SP3: variants seen among roughly 807,000 people sequenced by gnomAD.
SP3 encodes Sp3 transcription factor.
In SP3, 10 loss-of-function variants were observed where a neutral mutation model predicts 70.3. The ratio of observed to expected loss-of-function variants is 0.14; its 90% CI spans 0.09 to 0.24. SP3 has a LOEUF of 0.24. SP3 is among the 10% of genes least tolerant of loss of function. The pLI, the probability that SP3 is intolerant of heterozygous loss-of-function variation, is 1.00. For missense variants in SP3, 825 were observed against 914.6 expected, an observed-to-expected ratio of 0.90 and a Z score of 1.26; for synonymous variants, 402 against 333.5, an observed-to-expected ratio of 1.21 and a Z score of -2.24.
intron 4 of SP3, among the ~76,000 whole-genome samples, chr2:173,933,296 T>C (rs1015464448): frequency 9.2e-5 from 14 of 152,304 alleles, no homozygotes; most frequent in African/African-American, 3.1e-4. Context: ...TGTATTTTAT[T>C]ACACTTACAG....
chr2:173,955,210 C>T lies in SP3; in HGVS notation c.1302G>A (p.Gln434=). ...VQASGQNISQ[Q]ALQNLQLQLN... ...GCTGCAACTGAAGATTTTGCAAAGC[C>T]TGTTGTGATATATTTTGACCACTGG... The change falls in exon 4 of 7, where the codon CAG becomes CAA. Residue 434 remains glutamine, a synonymous_variant. Transcript: ENST00000310015. The T allele has an allele frequency of 6.2e-7, 1 of 1,614,084 alleles. No individual in the cohort carries two copies. Among genetic ancestry groups the T allele is most frequent in the Non-Finnish European group, 8.5e-7 (1 of 1,180,030 alleles).
At chr2:173,913,321 T>G (rs1012239475) in intron 5 of SP3, 55 bp from the exon 6 acceptor site, 47 of 1,256,330 alleles carry the variant, frequency 3.7e-5, no homozygotes, top group Non-Finnish European at 4.7e-5. Context: ...CAAATGGACA[T>G]TACCATTTAC....
intron 1 of SP3, 111 bp from the exon 2 acceptor site, chr2:173,964,664 T>TCCCCTC (rs1691228000): frequency 3.3e-6 from 1 of 301,728 alleles, no homozygotes; most frequent in Admixed American, 6.2e-5. Flanking sequence ...CCAGGCCCCT[T>TCCCCTC]CCCCTCCCCC....
intron 4 of SP3, among the ~76,000 whole-genome samples, chr2:173,945,885 C>A (rs1574417567): frequency 6.6e-6 from 1 of 152,146 alleles, no homozygotes; most frequent in Middle Eastern, 3.4e-3. Context: ...CAGCACTTTA[C>A]GAGGCTGATG....
rs1255763973 is a variant in SP3 at position 173,955,434 on chromosome 2, T to C, written c.1078A>G (p.Ser360Gly). ...AGATCTGAAGAATGAACCTGCCCAC[T>C]AGATGTAGTCAAGCTATTTGTGTTT... ...QQNTNSLTTS[S>G]GQVHSSDLQG... The change falls in exon 4 of 7, where the codon AGT (serine) becomes GGT (glycine). Residue 360 changes from serine to glycine, a missense_variant. Ser to Gly is a moderately conservative substitution (Grantham distance 56, BLOSUM62 0). This residue lies in a region of SP3 where 678 missense variants were observed against 651.6 expected (regional missense o/e 1.04). Transcript: ENST00000310015. 3.7e-6 allele frequency: 6 copies of C among 1,613,996 alleles called. No homozygotes were observed. In the African/African-American group the frequency reaches 6.7e-5, roughly 18 times the overall value.
chr2:173,930,345 T>C (rs768277967), intron 4 of SP3, among the ~76,000 whole-genome samples: 8 of 152,188 alleles, frequency 5.3e-5, no homozygotes, highest in East Asian at 3.9e-4. Context: ...GGTGGGAGGA[T>C]TGCTTGAGCC....
chr2:173,929,405 C>A lies in SP3; in HGVS notation c.1640-10620G>T, dbSNP rs543356051. ...CATCAAGATCAAAGGACAGGATCTG[C>A]GCTGATGGGGAAATCACCTCTATAT... On this transcript the variant is annotated intron_variant, in intron 4 of 6. Coordinates refer to ENST00000310015, the MANE Select transcript of SP3 (RefSeq NM_003111.5). Among the ~76,000 whole-genome samples, 5 of 152,304 alleles carry A rather than the reference C, an allele frequency of 3.3e-5. No homozygotes were observed. The East Asian group carries it at 9.6e-4, about 29-fold the overall frequency.
Position 173,965,349 on chromosome 2 carries a change from G to C in SP3, c.-178C>G. On this transcript the variant is annotated 5_prime_UTR_variant, in exon 1 of 7. Coordinates refer to ENST00000310015, the MANE Select transcript of SP3 (RefSeq NM_003111.5). The stretch of plus-strand genomic sequence containing the variant: ...GGAAACACAAAAGGTGGAGCCTCCA[G>C]CCCAAAAGGGGGGAAGAGGGTGACA... The C allele has an allele frequency of 1.4e-6, 1 of 691,648 alleles. No homozygotes were observed. The highest frequency in any genetic ancestry group is 3.0e-5 in the East Asian group (1 of 33,710). 42.8% of individuals were successfully genotyped at this position (691,648 alleles called of 1,614,324 possible).
rs752422699 is a variant in SP3, at chr2:173,964,488, C to T, written c.73G>A (p.Gly25Ser). ...ALDVDSGGGG[G>S]GGGGHGEYLQ... The stretch of plus-strand genomic sequence containing the variant: ...TACTCGCCGTGGCCGCCGCCGCCGC[C>T]ACCGCCGCCGCCGCTATCCACGTCC... Residue 25 changes from glycine (G) to serine (S), a missense_variant, in exon 2 of 7, where the codon GGC (glycine) becomes AGC (serine). Around this residue, in one of 4 missense-constraint regions of SP3, gnomAD observed 678 missense variants for 651.6 expected, o/e 1.04. Transcript: ENST00000310015. The T allele has an allele frequency of 1.1e-5, 8 of 704,804 alleles. No individual in the cohort carries two copies. In the East Asian group the frequency reaches 2.3e-4, roughly 20 times the overall value. 43.7% of individuals were successfully genotyped at this position (704,804 alleles called of 1,614,324 possible).
intron 4 of SP3, among the ~76,000 whole-genome samples, chr2:173,929,507 A>T (rs1220204399): frequency 6.6e-6 from 1 of 152,186 alleles, no homozygotes; most frequent in African/African-American, 2.4e-5. Flanking sequence ...CACACACAAT[A>T]CACACTGACA....
At chr2:173,928,630 A>C (rs986897095) in intron 4 of SP3, among the ~76,000 whole-genome samples, 4 of 152,214 alleles carry the variant, frequency 2.6e-5, no homozygotes, top group African/African-American at 9.6e-5. Context: ...ATGATCCACT[A>C]AACGACACCT....
chr2:173,924,064 G>A (rs1054871713), intron 4 of SP3, among the ~76,000 whole-genome samples: 14 of 151,872 alleles, frequency 9.2e-5, no homozygotes, highest in African/African-American at 2.9e-4. Flanking sequence ...AAAACTAAAT[G>A]TTATCCCCTT....
intron 4 of SP3, among the ~76,000 whole-genome samples, chr2:173,924,299 A>T (rs1332574879): frequency 6.6e-6 from 1 of 152,242 alleles, no homozygotes; most frequent in African/African-American, 2.4e-5. Context: ...GAACATAACC[A>T]GAAATGACTG....
intron 4 of SP3, among the ~76,000 whole-genome samples, chr2:173,946,425 T>C (rs769101744): frequency 6.6e-6 from 1 of 152,078 alleles, no homozygotes; most frequent in Non-Finnish European, 1.5e-5. Context: ...ACTAAAGGCA[T>C]GTACCACCAC....
intron 4 of SP3, among the ~76,000 whole-genome samples, chr2:173,940,534 A>T (rs754168816): frequency 6.6e-6 from 1 of 152,174 alleles, no homozygotes; most frequent in African/African-American, 2.4e-5. Flanking sequence ...CAAACTAACA[A>T]ACTGAGAATG....
chr2:173,935,585 T>C (rs1166551903), intron 4 of SP3, among the ~76,000 whole-genome samples: 2 of 152,188 alleles, frequency 1.3e-5, no homozygotes, highest in African/African-American at 4.8e-5. Context: ...TTCCTGCACG[T>C]TTTATGGTCC....
chr2:173,924,072 C>CAATTATA (rs1459495819), intron 4 of SP3, among the ~76,000 whole-genome samples: 8 of 151,940 alleles, frequency 5.3e-5, no homozygotes, highest in African/African-American at 1.9e-4. Flanking sequence ...ATGTTATCCC[C>CAATTATA]TTACCAAATA....
intron 5 of SP3, among the ~76,000 whole-genome samples, chr2:173,918,195 T>A (rs1177092818): frequency 6.6e-6 from 1 of 152,106 alleles, no homozygotes; most frequent in Non-Finnish European, 1.5e-5. Context: ...TTTTCACTTC[T>A]AAGAAAATGG....
chr2:173,908,842 T>C lies in SP3; in HGVS notation c.*1099A>G, dbSNP rs1276718818. The C allele has an allele frequency of 2.0e-5, 3 of 151,200 alleles. No homozygotes were observed. Among genetic ancestry groups the C allele is most frequent in the South Asian group, 4.2e-4 (2 of 4,782 alleles). 9.4% of individuals were successfully genotyped at this position (151,200 alleles called of 1,614,324 possible). ...TTCTCAATTAAATGTACTGGATACA[T>C]ATAAATTTTAAGGGAAGAAGCAAAA... On this transcript the variant is annotated 3_prime_UTR_variant, in exon 7 of 7. Transcript: ENST00000310015.
Sources: gnomAD v4.1 joint callset for allele counts (sites outside exome capture counted in the v4.1 genomes callset) on GRCh38, gnomAD v4.1.1 for gene constraint, gnomAD v4.1.1 regional missense constraint, MANE v1.5 for transcripts, NCBI Gene and HGNC (gene_info 2026-07-23, HGNC 2026-07-21) for gene names.